CSGALNACT1: variants seen among roughly 807,000 people sequenced by gnomAD.
The protein encoded by CSGALNACT1 is chondroitin sulfate N-acetylgalactosaminyltransferase 1.
In CSGALNACT1, 52 loss-of-function variants were observed where a neutral mutation model predicts 51.0. The observed-to-expected ratio is 1.02, with a 90% CI of 0.82 to 1.29. The LOEUF (loss-of-function observed/expected upper bound fraction) is 1.29. Among genes scored for constraint, CSGALNACT1 ranks in the 50% most tolerant of loss-of-function variants. The pLI is 0.00. For missense variants in CSGALNACT1, 935 were observed against 679.2 expected (o/e 1.38, Z -4.19); for synonymous variants, 341 against 254.4 (o/e 1.34, Z -3.24).
chr8:19,490,813 T>C (rs565959948), intron 4 of CSGALNACT1, among the ~76,000 whole-genome samples: 1 of 152,314 alleles, frequency 6.6e-6, no homozygotes, highest in Admixed American at 6.5e-5. Context: ...GATTGAGACC[T>C]AGAAGTTACC....
chr8:19,733,811 T>A (rs1198337286), intron 1 of CSGALNACT1, among the ~76,000 whole-genome samples: 7 of 152,204 alleles, frequency 4.6e-5, no homozygotes, highest in African/African-American at 1.7e-4. Context: ...AGGCCCTTTT[T>A]TTTTCCGTAT....
At chr8:19,507,965 C>G (rs961956249) in intron 3 of CSGALNACT1, among the ~76,000 whole-genome samples, 8 of 152,240 alleles carry the variant, frequency 5.3e-5, no homozygotes, top group African/African-American at 1.9e-4. Flanking sequence ...CACTCACAAA[C>G]AAGATCCCTG....
At chr8:19,640,655 C>G (rs562125352) in intron 1 of CSGALNACT1, among the ~76,000 whole-genome samples, 11 of 152,300 alleles carry the variant, frequency 7.2e-5, no homozygotes, top group African/African-American at 2.4e-4. Flanking sequence ...GTTGATCTGG[C>G]ACACTTGAAT....
At chr8:19,736,173 C>T (rs2063958771) in intron 1 of CSGALNACT1, among the ~76,000 whole-genome samples, 1 of 152,122 alleles carries the variant, frequency 6.6e-6, no homozygotes, top group Non-Finnish European at 1.5e-5. Context: ...TAATTCATCC[C>T]AACACAAAGC....
intron 1 of CSGALNACT1, among the ~76,000 whole-genome samples, chr8:19,670,314 A>T (rs904153871): frequency 6.6e-6 from 1 of 152,184 alleles, no homozygotes; most frequent in African/African-American, 2.4e-5. Flanking sequence ...AATCTGTTAC[A>T]TAAAATCCTC....
chr8:19,513,436 C>CTCTCTCTCTCTCTCTATATATATA, intron 3 of CSGALNACT1, among the ~76,000 whole-genome samples: 51 of 81,934 alleles, frequency 6.2e-4, no homozygotes, highest in African/African-American at 7.6e-4. Flanking sequence ...CTCTCTCTCT[C>CTCTCTCTCTCTCTCTATATATATA]TATATATATA....
At chr8:19,504,511 G>C (rs2076956734) in intron 4 of CSGALNACT1, among the ~76,000 whole-genome samples, 1 of 152,136 alleles carries the variant, frequency 6.6e-6, no homozygotes, top group Non-Finnish European at 1.5e-5. Context: ...CAAGAAACTG[G>C]ACAAGGCTGC....
chr8:19,575,478 A>G (rs1276278566), intron 3 of CSGALNACT1, among the ~76,000 whole-genome samples: 1 of 152,262 alleles, frequency 6.6e-6, no homozygotes. Context: ...CACATTAAAT[A>G]GACATCTTTT....
intron 1 of CSGALNACT1, among the ~76,000 whole-genome samples, chr8:19,651,925 GT>G (rs1564352102): frequency 4.9e-5 from 2 of 40,764 alleles, no homozygotes; most frequent in African/African-American, 1.3e-4. Context: ...GTTTTTTTTT[GT>G]TTTGTTTTGT....
At chr8:19,709,080 C>T (rs7828018) in intron 1 of CSGALNACT1, among the ~76,000 whole-genome samples, 5,529 of 152,126 alleles carry the variant, frequency 0.036, 154 homozygotes, top group African/African-American at 0.078. Context: ...ATTATTATTA[C>T]TCATTTGGAG....
chr8:19,550,126 C>T (rs988756281), intron 3 of CSGALNACT1, among the ~76,000 whole-genome samples: 2 of 152,034 alleles, frequency 1.3e-5, no homozygotes, highest in Admixed American at 1.3e-4. Context: ...GCATTTTCTT[C>T]ATTCTCTTTC....
At chr8:19,641,689 A>G (rs904155793) in intron 1 of CSGALNACT1, 1 of 152,220 alleles carries the variant, frequency 6.6e-6, no homozygotes, top group Non-Finnish European at 1.5e-5. Context: ...ATCCTCCCAT[A>G]AGACTGCCTT....
intron 3 of CSGALNACT1, among the ~76,000 whole-genome samples, chr8:19,560,678 A>G (rs1382009222): frequency 6.6e-6 from 1 of 152,226 alleles, no homozygotes; most frequent in Non-Finnish European, 1.5e-5. Flanking sequence ...AGATATGAAT[A>G]CACACCTTCA....
chr8:19,751,406 T>A (rs556286554), intron 1 of CSGALNACT1, among the ~76,000 whole-genome samples: 1 of 152,182 alleles, frequency 6.6e-6, no homozygotes, highest in Non-Finnish European at 1.5e-5. Flanking sequence ...GTTTTTATCA[T>A]GGGAAGAGAA....
chr8:19,617,704 A>C (rs779164778), intron 1 of CSGALNACT1, among the ~76,000 whole-genome samples: 1 of 152,192 alleles, frequency 6.6e-6, no homozygotes, highest in Non-Finnish European at 1.5e-5. Flanking sequence ...GTAGCTTCCC[A>C]AAGTATTTTC....
At chr8:19,509,309 A>G (rs1210020582) in intron 3 of CSGALNACT1, among the ~76,000 whole-genome samples, 1 of 152,076 alleles carries the variant, frequency 6.6e-6, no homozygotes, top group Non-Finnish European at 1.5e-5. Context: ...CTTCGGTAGC[A>G]CAAAACATCA....
At chr8:19,541,335 C>G (rs963234069) in intron 3 of CSGALNACT1, among the ~76,000 whole-genome samples, 4 of 148,604 alleles carry the variant, frequency 2.7e-5, no homozygotes, top group African/African-American at 1.0e-4. Flanking sequence ...ACTGCAAGCT[C>G]TGCCTCCTGG....
Position 19,748,937 on chromosome 8 carries a change from C to T in CSGALNACT1, c.-297+8913G>A, listed in dbSNP as rs539502364. Among the ~76,000 whole-genome samples the T allele has an allele frequency of 4.0e-5, 6 of 151,824 alleles. No homozygotes were observed. The South Asian group carries it at 1.3e-3, about 32-fold the overall frequency. On this transcript the variant is annotated intron_variant, in intron 1 of 1. Transcript: ENST00000517494. The stretch of plus-strand genomic sequence containing the variant: ...CCGAGATCGCACCACCACACTCCAA[C>T]CTGGGTGACAGAGTGAGACTCCATC...
chr8:19,626,088 A>C (rs1309315097), intron 1 of CSGALNACT1, among the ~76,000 whole-genome samples: 2 of 152,216 alleles, frequency 1.3e-5, no homozygotes, highest in Non-Finnish European at 2.9e-5. Flanking sequence ...ATTTATATGG[A>C]AAGGAAACAG....
Sources: gnomAD v4.1 joint callset for allele counts (sites outside exome capture counted in the v4.1 genomes callset) on GRCh38, gnomAD v4.1.1 for gene constraint, MANE v1.5 for transcripts, NCBI Gene and HGNC (gene_info 2026-07-23, HGNC 2026-07-21) for gene names.